Variants in SULT1C3 observed in about 807,000 individuals in gnomAD.
The protein encoded by SULT1C3 is sulfotransferase family 1C member 3.
Under a neutral mutation model 28.4 loss-of-function variants are expected in SULT1C3, and 31 were observed. The observed-to-expected ratio is 1.09, with a 90% CI of 0.82 to 1.47. The LOEUF (loss-of-function observed/expected upper bound fraction) is 1.47, where lower values mean the gene tolerates loss of function less well. Among genes scored for constraint, SULT1C3 ranks in the 40% most tolerant of loss-of-function variants. SULT1C3 has a pLI of 0.00. For missense variants in SULT1C3, 307 were observed against 272.5 expected (o/e 1.13, Z -0.89); for synonymous variants, 106 against 92.2 (o/e 1.15, Z -0.86).
At chr2:108,261,671 G>C (rs1676030292), downstream of SULT1C3, among the ~76,000 whole-genome samples, 1 of 151,984 alleles carries the variant, frequency 6.6e-6, no homozygotes, top group Non-Finnish European at 1.5e-5. Context: ...CTTAAACTCA[G>C]AAATAAAATT....
downstream of SULT1C3, chr2:108,264,676 G>C: frequency 3.8e-6 from 3 of 783,448 alleles, no homozygotes; most frequent in South Asian, 5.7e-5. Context: ...ACAGTACAGT[G>C]TCTGGCACTA....
intron 2 of SULT1C3, among the ~76,000 whole-genome samples, chr2:108,248,435 G>A (rs1427329722): frequency 6.6e-6 from 1 of 152,132 alleles, no homozygotes; most frequent in Non-Finnish European, 1.5e-5. Flanking sequence ...TAGTTATAGG[G>A]TGCAAAAGAA....
At chr2:108,245,523 A>G (rs972476836) in intron 1 of SULT1C3, among the ~76,000 whole-genome samples, 1 of 152,200 alleles carries the variant, frequency 6.6e-6, no homozygotes, top group Admixed American at 6.5e-5. Context: ...TTAAAGGAAC[A>G]CGGGAATTGA....
downstream of SULT1C3, among the ~76,000 whole-genome samples, chr2:108,263,984 G>T (rs1676077232): frequency 6.6e-6 from 1 of 152,152 alleles, no homozygotes; most frequent in Non-Finnish European, 1.5e-5. Flanking sequence ...TCATTGTAAA[G>T]ATTTACACTA....
intron 1 of SULT1C3, among the ~76,000 whole-genome samples, chr2:108,244,355 G>A (rs888732803): frequency 6.6e-6 from 1 of 151,036 alleles, no homozygotes; most frequent in Non-Finnish European, 1.5e-5. Flanking sequence ...AGGTTAAGGG[G>A]ACATTATAAA....
rs554869595 is a variant in SULT1C3, at chr2:108,250,033, A to T, written c.173-2332A>T. On this transcript the variant is annotated intron_variant, in intron 2 of 7. Transcript: ENST00000681802. Reference sequence around the variant, plus strand: ...AGGTTAGGCAACAATAATTTGGGGAAAAAAATGGAAAGCACTACCCTTTAT... The same window carrying T: ...AGGTTAGGCAACAATAATTTGGGGATAAAAATGGAAAGCACTACCCTTTAT... Among the ~76,000 whole-genome samples, 31 of 152,146 alleles carry T rather than the reference A, an allele frequency of 2.0e-4. No individual in the cohort carries two copies. The South Asian group carries it at 3.3e-3, about 16-fold the overall frequency.
intron 2 of SULT1C3, among the ~76,000 whole-genome samples, chr2:108,249,510 A>G (rs898312536): frequency 1.3e-5 from 2 of 152,120 alleles, no homozygotes; most frequent in Non-Finnish European, 2.9e-5. Flanking sequence ...TTTTAAAAAT[A>G]CCATTGATAA....
At chr2:108,264,691 T>C (rs1676092658), downstream of SULT1C3, 2 of 876,936 alleles carry the variant, frequency 2.3e-6, no homozygotes, top group African/African-American at 3.4e-5. Flanking sequence ...GCACTAGGAG[T>C]CACTTGAGAA....
At position 108,260,860 on chromosome 2, in the gene SULT1C3, T is replaced by C. The variant is rs4141933; in HGVS notation, c.*180T>C. On this transcript the variant is annotated 3_prime_UTR_variant, in exon 8 of 8. Coordinates refer to ENST00000681802, the MANE Select transcript of SULT1C3 (RefSeq NM_001320878.2). Reference sequence around the variant, plus strand: ...AATATCAACAAACCAGTTACTCCAGTAAATAAAATAAGAGAATTAGAGAGC... The same window carrying C: ...AATATCAACAAACCAGTTACTCCAGCAAATAAAATAAGAGAATTAGAGAGC... Among the ~76,000 whole-genome samples the C allele has an allele frequency of 0.15, 23,053 of 152,128 alleles. 2,835 individuals carry two copies. Among genetic ancestry groups the C allele is most frequent in the East Asian group, 0.65 (3,328 of 5,156 alleles).
downstream of SULT1C3, among the ~76,000 whole-genome samples, chr2:108,261,169 T>C (rs771214401): frequency 6.6e-6 from 1 of 152,144 alleles, no homozygotes; most frequent in African/African-American, 2.4e-5. Flanking sequence ...TGTAATAGAA[T>C]GATATAAAAA....
Position 108,255,556 on chromosome 2 carries a change from C to T in SULT1C3, c.400-16C>T, listed in dbSNP as rs13392744. 99,244 of 1,607,360 alleles carry T rather than the reference C, an allele frequency of 0.062. 3,351 individuals carry two copies. The highest frequency in any genetic ancestry group is 0.073 in the Middle Eastern group (440 of 6,016). ...ATTTTTCTCTCCATGGCTTCCTTCC[C>T]TCTCCTTGATTTCAGATTGTCTATG... On this transcript the variant is annotated splice_polypyrimidine_tract_variant and intron_variant, in intron 4 of 7. Transcript: ENST00000681802.
rs564243268 is a variant in SULT1C3 at position 108,252,398 on chromosome 2, T to G, written c.206T>G (p.Ile69Ser). ...TTWMHEILDMILNDGDVEKCK... is the reference protein window; with the variant it reads ...TTWMHEILDMSLNDGDVEKCK... The stretch of plus-strand genomic sequence containing the variant: ...TGGATGCATGAAATTTTAGACATGA[T>G]TCTAAATGATGGTGATGTGGAGAAA... Residue 69 changes from isoleucine to serine, a missense_variant, in exon 3 of 8, where the codon ATT (isoleucine) becomes AGT (serine). By Grantham distance (142) the Ile-to-Ser change is moderately radical. Coordinates refer to ENST00000681802, the MANE Select transcript of SULT1C3 (RefSeq NM_001320878.2). 2.3e-4 allele frequency: 371 copies of G among 1,611,172 alleles called. No individual in the cohort carries two copies. The highest frequency in any genetic ancestry group is 3.0e-4 in the Non-Finnish European group (357 of 1,178,314).
downstream of SULT1C3, among the ~76,000 whole-genome samples, chr2:108,262,523 T>A (rs1453769405): frequency 6.6e-6 from 1 of 152,156 alleles, no homozygotes; most frequent in African/African-American, 2.4e-5. Flanking sequence ...AGAGTCCAGG[T>A]GTAGAAGATG....
At chr2:108,243,337 G>A (rs1342827268) in intron 1 of SULT1C3, among the ~76,000 whole-genome samples, 2 of 152,052 alleles carry the variant, frequency 1.3e-5, no homozygotes, top group Admixed American at 6.6e-5. Context: ...TCCTTCTTAA[G>A]ATATGTTTCC....
chr2:108,259,988 T>C (rs942445580), intron 7 of SULT1C3, among the ~76,000 whole-genome samples: 3 of 152,118 alleles, frequency 2.0e-5, no homozygotes, highest in Admixed American at 6.6e-5. Context: ...AGATTAATCC[T>C]CTTGTCAAAG....
chr2:108,252,246 T>C, intron 2 of SULT1C3, 119 bp from the exon 3 acceptor site: 1 of 933,680 alleles, frequency 1.1e-6, no homozygotes, highest in South Asian at 1.9e-5. Flanking sequence ...ATTTCTGCCT[T>C]GGCAACATTG....
At position 108,247,247 on chromosome 2, in the gene SULT1C3, T is replaced by C. The variant is rs2104384256; in HGVS notation, c.53T>C (p.Phe18Ser). The C allele has an allele frequency of 6.3e-7, 1 of 1,589,150 alleles. No homozygotes were observed. The highest frequency in any genetic ancestry group is 1.3e-5 in the African/African-American group (1 of 74,086). The change falls in exon 2 of 8, where the codon TTT becomes TCT. Residue 18 changes from phenylalanine (F) to serine (S), a missense_variant. Transcript: ENST00000681802. ...APTMEKKPELFNIMEVDGVPT... is the reference protein window; with the variant it reads ...APTMEKKPELSNIMEVDGVPT... ...ACGATGGAAAAAAAGCCAGAACTGT[T>C]TAACATCATGGAAGTAGATGGAGTC...
chr2:108,253,541 C>A, intron 4 of SULT1C3, 99 bp downstream of exon 4: 1 of 624,854 alleles, frequency 1.6e-6, no homozygotes, highest in Non-Finnish European at 2.4e-6. Context: ...AAATATTTTC[C>A]AAAATATAAT....
chr2:108,257,294 G>T (rs931192873), intron 5 of SULT1C3, among the ~76,000 whole-genome samples: 10 of 151,906 alleles, frequency 6.6e-5, no homozygotes, highest in Admixed American at 1.3e-4. Context: ...TGATTTTCCA[G>T]CATCCCCTAC....
Sources: allele counts gnomAD v4.1 joint callset (sites outside exome capture counted in the v4.1 genomes callset), GRCh38; gene constraint gnomAD v4.1.1; transcripts MANE v1.5; gene names NCBI Gene and HGNC (gene_info 2026-07-23, HGNC 2026-07-21).